SPAG16: variants seen among roughly 807,000 people sequenced by gnomAD.
SPAG16 encodes the protein sperm associated antigen 16, also known as sperm-associated antigen 16 protein.
SPAG16 carries 86 observed loss-of-function variants against 80.4 expected under a neutral mutation model. The observed-to-expected ratio is 1.07, with a 90% CI of 0.90 to 1.28. The LOEUF is 1.28. SPAG16 is among the 50% of genes most tolerant of loss of function. The pLI is 0.00. For synonymous variants in SPAG16, 294 were observed against 265.9 expected (o/e 1.11, Z -1.03); for missense variants, 870 against 765.3 (o/e 1.14, Z -1.61).
chr2:213,470,404 G>T (rs1575674684), intron 9 of SPAG16, among the ~76,000 whole-genome samples: 1 of 152,294 alleles, frequency 6.6e-6, no homozygotes, highest in East Asian at 1.9e-4. Context: ...GGTAGTCTTG[G>T]CAGGAGCATT....
intron 13 of SPAG16, among the ~76,000 whole-genome samples, chr2:214,038,432 TA>T (rs111355536): frequency 0.26 from 39,939 of 151,892 alleles, 5,660 homozygotes; most frequent in Middle Eastern, 0.31. Flanking sequence ...CATAAAATAT[TA>T]TTACTCCACT....
chr2:214,063,605 AC>A lies in SPAG16; in HGVS notation c.1528-44590del, dbSNP rs138084751. 3.5e-3 allele frequency among the ~76,000 whole-genome samples: 539 copies of A among 152,206 alleles called. 5 individuals are homozygous for A. Among genetic ancestry groups the A allele is most frequent in the African/African-American group, 0.012 (513 of 41,554 alleles). On this transcript the variant is annotated intron_variant, in intron 13 of 15. Transcript: ENST00000331683. ...CACTTCCTAAAGCCCCACCTCTAAT[AC>A]TATCACATGAGCAATTAGGTTTCAA...
chr2:213,595,516 T>C (rs1042150863), intron 10 of SPAG16, among the ~76,000 whole-genome samples: 2 of 152,122 alleles, frequency 1.3e-5, no homozygotes, highest in East Asian at 1.9e-4. Flanking sequence ...TAAACTGTTT[T>C]ATGTGGTAAC....
chr2:214,378,682 A>G (rs933915553), intron 15 of SPAG16, among the ~76,000 whole-genome samples: 4 of 152,186 alleles, frequency 2.6e-5, no homozygotes, highest in Non-Finnish European at 5.9e-5. Context: ...TCAGGGTCCT[A>G]TTAGGAAAAG....
intron 15 of SPAG16, among the ~76,000 whole-genome samples, chr2:214,154,265 C>G (rs1220361739): frequency 6.6e-6 from 1 of 152,136 alleles, no homozygotes; most frequent in Non-Finnish European, 1.5e-5. Context: ...ATTTTTCTCT[C>G]CTTTGTAAAA....
intron 12 of SPAG16, among the ~76,000 whole-genome samples, chr2:213,982,218 T>A (rs181089447): frequency 6.6e-6 from 1 of 152,204 alleles, no homozygotes; most frequent in African/African-American, 2.4e-5. Context: ...ACAACAGTAA[T>A]TTCAACAATG....
intron 4 of SPAG16, among the ~76,000 whole-genome samples, chr2:213,316,734 A>G (rs773673581): frequency 6.6e-6 from 1 of 152,000 alleles, no homozygotes; most frequent in African/African-American, 2.4e-5. Context: ...AGCTATCCAC[A>G]TAACACAGTC....
chr2:213,719,302 G>C (rs1170890845), intron 10 of SPAG16, among the ~76,000 whole-genome samples: 1 of 150,510 alleles, frequency 6.6e-6, no homozygotes, highest in East Asian at 2.0e-4. Flanking sequence ...TAGGCACTCT[G>C]TATCTAGCTC....
chr2:214,237,526 T>A (rs1689160218), intron 15 of SPAG16, among the ~76,000 whole-genome samples: 1 of 152,112 alleles, frequency 6.6e-6, no homozygotes, highest in South Asian at 2.1e-4. Context: ...ATAAGTTAAA[T>A]GATTAATACA....
chr2:214,211,892 G>T (rs546650729), intron 15 of SPAG16, among the ~76,000 whole-genome samples: 2 of 152,090 alleles, frequency 1.3e-5, no homozygotes, highest in South Asian at 4.2e-4. Context: ...AGTCCTGCTG[G>T]TTTTCCTTTG....
At chr2:213,768,371 T>C (rs748215007) in intron 10 of SPAG16, among the ~76,000 whole-genome samples, 9 of 152,196 alleles carry the variant, frequency 5.9e-5, no homozygotes, top group Non-Finnish European at 1.2e-4. Flanking sequence ...CAAGAGTGGA[T>C]TGCAGATGAG....
intron 9 of SPAG16, among the ~76,000 whole-genome samples, chr2:213,384,126 A>T (rs987456479): frequency 6.6e-6 from 1 of 152,142 alleles, no homozygotes; most frequent in African/African-American, 2.4e-5. Flanking sequence ...TAGACTAGGG[A>T]ATTATATGGA....
intron 9 of SPAG16, among the ~76,000 whole-genome samples, chr2:213,414,602 A>G (rs185457161): frequency 1.3e-5 from 2 of 152,214 alleles, no homozygotes; most frequent in Non-Finnish European, 2.9e-5. Flanking sequence ...CTGGACTGTC[A>G]CATGATTAAT....
intron 10 of SPAG16, among the ~76,000 whole-genome samples, chr2:213,519,796 A>G (rs2075588884): frequency 6.6e-6 from 1 of 152,172 alleles, no homozygotes. Context: ...ACATGTTTTC[A>G]TAGTATACTC....
chr2:213,822,184 C>T (rs34756709), intron 10 of SPAG16, among the ~76,000 whole-genome samples: 74 of 152,264 alleles, frequency 4.9e-4, no homozygotes, highest in Non-Finnish European at 4.9e-4. Context: ...TGAGGGGTCC[C>T]CCTTCTTCAT....
intron 13 of SPAG16, among the ~76,000 whole-genome samples, chr2:214,034,147 G>T (rs916387165): frequency 6.6e-6 from 1 of 152,112 alleles, no homozygotes; most frequent in Non-Finnish European, 1.5e-5. Flanking sequence ...CCTTATGCAG[G>T]TTTCATAGAA....
chr2:214,021,987 G>C (rs1374016685), intron 13 of SPAG16, among the ~76,000 whole-genome samples: 3 of 151,730 alleles, frequency 2.0e-5, no homozygotes, highest in Admixed American at 6.6e-5. Context: ...ATCCTTAAAG[G>C]TTCACTTCAC....
At chr2:214,168,589 T>A (rs2056754697) in intron 15 of SPAG16, among the ~76,000 whole-genome samples, 1 of 151,966 alleles carries the variant, frequency 6.6e-6, no homozygotes, top group Non-Finnish European at 1.5e-5. Context: ...ATAGTCATAT[T>A]TTAGATAAGA....
chr2:213,552,282 T>C (rs1189483988), intron 10 of SPAG16, among the ~76,000 whole-genome samples: 1 of 152,164 alleles, frequency 6.6e-6, no homozygotes, highest in African/African-American at 2.4e-5. Context: ...TTGTGGACTC[T>C]GCAGGTTTCT....
Sources: gnomAD v4.1 joint callset for allele counts (sites outside exome capture counted in the v4.1 genomes callset) on GRCh38, gnomAD v4.1.1 for gene constraint, MANE v1.5 for transcripts, NCBI Gene and HGNC (gene_info 2026-07-23, HGNC 2026-07-21) for gene names.